The following ERICH6B variants were observed in gnomAD, a reference collection of about 807,000 sequenced individuals.
ERICH6B encodes glutamate rich 6B.
A neutral mutation model predicts 80.0 loss-of-function variants in ERICH6B; 69 were observed. The ratio of observed to expected loss-of-function variants is 0.86; its 90% CI spans 0.71 to 1.05. ERICH6B has a LOEUF of 1.05. ERICH6B is among the 50% of genes least tolerant of loss of function. The pLI, the probability that ERICH6B is intolerant of heterozygous loss-of-function variation, is 0.00. For missense variants in ERICH6B, 754 were observed against 796.1 expected, an observed-to-expected ratio of 0.95 and a Z score of 0.64; for synonymous variants, 283 against 291.9, an observed-to-expected ratio of 0.97 and a Z score of 0.31.
At chr13:45,550,112 A>T (rs1402335979) in intron 12 of ERICH6B, 67 bp from the exon 13 acceptor site, 10 of 1,540,734 alleles carry the variant, frequency 6.5e-6, no homozygotes, top group Non-Finnish European at 8.8e-6. Context: ...GGCCCTGCAG[A>T]TGATGCAGGC....
chr13:45,601,060 C>T (rs1467712930), intron 2 of ERICH6B, among the ~76,000 whole-genome samples: 1 of 152,194 alleles, frequency 6.6e-6, no homozygotes, highest in Non-Finnish European at 1.5e-5. Context: ...CCTGAATCTC[C>T]CTTACCCCTG....
At chr13:45,602,186 A>G (rs532885729) in intron 2 of ERICH6B, among the ~76,000 whole-genome samples, 1 of 151,958 alleles carries the variant, frequency 6.6e-6, no homozygotes, top group Admixed American at 6.5e-5. Context: ...GTCCCAGGAG[A>G]AATGATGGTT....
chr13:45,592,472 G>A (rs956860245), intron 3 of ERICH6B, among the ~76,000 whole-genome samples: 28 of 152,156 alleles, frequency 1.8e-4, no homozygotes, highest in Admixed American at 9.2e-4. Flanking sequence ...TGGTAGTTGG[G>A]ACACCAACTC....
intron 3 of ERICH6B, 109 bp downstream of exon 3, chr13:45,596,260 G>A: frequency 3.8e-6 from 5 of 1,319,622 alleles, no homozygotes; most frequent in South Asian, 3.2e-5. Flanking sequence ...CCTTTGGGAT[G>A]CCCTCCTCCA....
chr13:45,579,932 C>A lies in ERICH6B; in HGVS notation c.961+1G>T. The A allele has an allele frequency of 6.4e-7, 1 of 1,551,840 alleles. No homozygotes were observed. Among genetic ancestry groups the A allele is most frequent in the Non-Finnish European group, 8.7e-7 (1 of 1,146,960 alleles). On this transcript the variant is annotated splice_donor_variant, in intron 7 of 14. Coordinates refer to ENST00000298738, the MANE Select transcript of ERICH6B (RefSeq NM_182542.3). LOFTEE classifies it high-confidence loss of function. Reference sequence around the variant, plus strand: ...TTGGATGCATTATGTCAGATGCTCACCATTTTCTTCCTTTTTTTGCTGTAC... The same window carrying A: ...TTGGATGCATTATGTCAGATGCTCAACATTTTCTTCCTTTTTTTGCTGTAC...
At chr13:45,605,297 G>A (rs1949851293) in intron 2 of ERICH6B, among the ~76,000 whole-genome samples, 1 of 152,234 alleles carries the variant, frequency 6.6e-6, no homozygotes, top group Non-Finnish European at 1.5e-5. Flanking sequence ...GGACTGGGCT[G>A]TAATTTGCGA....
Position 45,541,491 on chromosome 13 carries a change from T to G in ERICH6B, c.2062A>C (p.Lys688Gln). 6.4e-7 allele frequency: 1 copy of G among 1,552,120 alleles called. No homozygotes were observed. Among genetic ancestry groups the G allele is most frequent in the Non-Finnish European group, 8.7e-7 (1 of 1,147,082 alleles). The part of the protein sequence containing the change: ...SISLMDNKYL[K>Q]KMLSKLWF ...AACCAGAGTTTAGAGAGCATCTTCT[T>G]CAGGTACTTGTTGTCCATCAGTGAT... Residue 688 changes from lysine to glutamine, a missense_variant, in exon 15 of 15, where the codon AAG becomes CAG. By Grantham distance (53) the Lys-to-Gln change is moderately conservative (BLOSUM62 1). Transcript: ENST00000298738.
At chr13:45,587,272 G>C (rs748829196) in intron 4 of ERICH6B, 40 bp from the exon 5 acceptor site, 60 of 1,545,408 alleles carry the variant, frequency 3.9e-5, no homozygotes, top group Non-Finnish European at 4.5e-5. Context: ...TTCCAGACAG[G>C]GGCCAGGTCA....
At chr13:45,608,273 T>C in intron 1 of ERICH6B, among the ~76,000 whole-genome samples, 1 of 151,870 alleles carries the variant, frequency 6.6e-6, no homozygotes, top group South Asian at 2.1e-4. Flanking sequence ...CCTCAGCCTC[T>C]GTTTGCTTGA....
At chr13:45,566,838 C>T (rs1004024807) in intron 9 of ERICH6B, among the ~76,000 whole-genome samples, 2 of 152,196 alleles carry the variant, frequency 1.3e-5, no homozygotes, top group Non-Finnish European at 2.9e-5. Flanking sequence ...AGAGGGCCAC[C>T]GTCCTCCAGA....
At chr13:45,592,853 G>A (rs1876211653) in intron 3 of ERICH6B, among the ~76,000 whole-genome samples, 1 of 152,156 alleles carries the variant, frequency 6.6e-6, no homozygotes, top group South Asian at 2.1e-4. Flanking sequence ...GTGGTACAGG[G>A]GAGTTTCAAA....
intron 1 of ERICH6B, among the ~76,000 whole-genome samples, chr13:45,614,044 G>C (rs1949914521): frequency 6.6e-6 from 1 of 152,158 alleles, no homozygotes; most frequent in Non-Finnish European, 1.5e-5. Flanking sequence ...CTGTCTGCTG[G>C]TGCAAGAGAA....
At chr13:45,594,582 A>G (rs1220392545) in intron 3 of ERICH6B, among the ~76,000 whole-genome samples, 1 of 152,230 alleles carries the variant, frequency 6.6e-6, no homozygotes, top group Non-Finnish European at 1.5e-5. Flanking sequence ...TCCCAGCAGT[A>G]GTGGAATTAC....
intron 11 of ERICH6B, 138 bp from the exon 12 acceptor site, chr13:45,550,454 G>A (rs767704191): frequency 2.6e-5 from 17 of 650,064 alleles, no homozygotes; most frequent in Admixed American, 1.1e-4. Context: ...GGGGAGCTGC[G>A]GGGCTTCAGT....
At chr13:45,605,305 C>T (rs1949851324) in intron 2 of ERICH6B, among the ~76,000 whole-genome samples, 1 of 152,194 alleles carries the variant, frequency 6.6e-6, no homozygotes, top group Admixed American at 6.5e-5. Context: ...CTGTAATTTG[C>T]GACGTCTGCT....
chr13:45,550,135 C>A, intron 12 of ERICH6B, 90 bp from the exon 13 acceptor site: 1 of 1,535,316 alleles, frequency 6.5e-7, no homozygotes, highest in Non-Finnish European at 8.8e-7. Flanking sequence ...CAGTCAAACC[C>A]CACACCTCAG....
In ERICH6B at chr13:45,606,525, ATATATATATATATATATATATATTTTT is replaced by A. The variant is rs1566307745; in HGVS notation, c.-59+1012_-59+1038del. Among the ~76,000 whole-genome samples the A allele has an allele frequency of 5.7e-3, 182 of 32,054 alleles. 4 individuals carry two copies. The highest frequency in any genetic ancestry group is 9.5e-3 in the South Asian group (6 of 630). 21.0% of individuals were successfully genotyped at this position (32,054 alleles called of 152,430 possible). A position where few individuals can be genotyped will look rare whatever the true frequency, so the allele number is the denominator to read the frequency against. On this transcript the variant is annotated intron_variant, in intron 2 of 14. Coordinates refer to ENST00000298738, the MANE Select transcript of ERICH6B (RefSeq NM_182542.3). ...TATGTGTATATATATATATATATAT[ATATATATATATATATATATATATTTTT>A]TTTTTTTTTTTTTTTTTTGGAGACA...
Position 45,544,930 on chromosome 13 carries a change from C to T in ERICH6B, c.1702G>A (p.Ala568Thr). The change falls in exon 14 of 15, where the codon GCC (alanine) becomes ACC (threonine). Residue 568 changes from alanine (A) to threonine (T), a missense_variant. Coordinates refer to ENST00000298738, the MANE Select transcript of ERICH6B (RefSeq NM_182542.3). ...YYFPKDKRQK[A>T]WNWWNLNIHV... is the part of the protein sequence containing the mutation. ...ATGTTCAGATTCCACCAGTTCCAGG[C>T]CTTCTGGCGTTTGTCTTTGGGGAAG... 1.3e-6 allele frequency: 2 copies of T among 1,551,624 alleles called. No individual in the cohort carries two copies. The highest frequency in any genetic ancestry group is 1.7e-6 in the Non-Finnish European group (2 of 1,146,994).
intron 11 of ERICH6B, 86 bp downstream of exon 11, chr13:45,561,283 A>C: frequency 7.5e-7 from 1 of 1,324,524 alleles, no homozygotes. Context: ...TGTTCCTTAC[A>C]GCTCTCTGGT....
Sources: gnomAD v4.1 joint callset for allele counts (sites outside exome capture counted in the v4.1 genomes callset) on GRCh38, gnomAD v4.1.1 for gene constraint, MANE v1.5 for transcripts, NCBI Gene and HGNC (gene_info 2026-07-23, HGNC 2026-07-21) for gene names.